Variants in TRAF3IP1 observed in about 807,000 individuals in gnomAD.
TRAF3IP1 encodes the protein TRAF3-interacting protein 1.
A neutral mutation model predicts 89.9 loss-of-function variants in TRAF3IP1; 53 were observed. The ratio of observed to expected loss-of-function variants is 0.59; its 90% CI spans 0.47 to 0.74. The LOEUF (loss-of-function observed/expected upper bound fraction) is 0.74. Among genes scored for constraint, TRAF3IP1 ranks in the 30% least tolerant of loss-of-function variants. The pLI, the probability that TRAF3IP1 is intolerant of heterozygous loss-of-function variation, is 0.00. For missense variants in TRAF3IP1, 806 were observed against 866.1 expected, an observed-to-expected ratio of 0.93 and a Z score of 0.87; for synonymous variants, 311 against 322.1, an observed-to-expected ratio of 0.97 and a Z score of 0.37.
Position 238,329,179 on chromosome 2 carries a change from G to A in TRAF3IP1, c.752G>A (p.Arg251Lys). ...RDSERKKETE[R>K]KSEGGKEKER... is the part of the protein sequence containing the mutation. ...TCCGAGCGCAAGAAGGAGACAGAGA[G>A]AAAGAGTGAGGGGGGGAAAGAGAAG... Residue 251 changes from arginine to lysine, a missense_variant, in exon 5 of 17, where the codon AGA becomes AAA. By Grantham distance (26) the Arg-to-Lys change is conservative. Around this residue, in one of 3 missense-constraint regions of TRAF3IP1, gnomAD observed 732 missense variants for 780.5 expected, o/e 0.94. Transcript: ENST00000373327. The A allele has an allele frequency of 6.4e-7, 1 of 1,564,750 alleles. No homozygotes were observed.
At chr2:238,341,519 A>G in intron 8 of TRAF3IP1, among the ~76,000 whole-genome samples, 1 of 148,838 alleles carries the variant, frequency 6.7e-6, no homozygotes. Context: ...TGTCCCAGAA[A>G]TGTTTTTCTA....
chr2:238,397,277 T>G, intron 15 of TRAF3IP1, 182 bp from the exon 16 acceptor site: 1 of 582,228 alleles, frequency 1.7e-6, no homozygotes, highest in Non-Finnish European at 3.1e-6. Context: ...GTGCAGCACT[T>G]CAGAGTTACT....
intron 15 of TRAF3IP1, among the ~76,000 whole-genome samples, chr2:238,391,788 A>G (rs1701004861): frequency 1.3e-5 from 2 of 152,212 alleles, no homozygotes; most frequent in Non-Finnish European, 2.9e-5. Context: ...TCCTACCTTA[A>G]GGTCCATGCC....
intron 15 of TRAF3IP1, among the ~76,000 whole-genome samples, chr2:238,368,283 G>T (rs971310171): frequency 1.4e-4 from 22 of 152,164 alleles, no homozygotes; most frequent in Non-Finnish European, 2.9e-4. Flanking sequence ...TTTCTCCAGG[G>T]TATGGATTAT....
chr2:238,357,366 A>T (rs1699463719), intron 15 of TRAF3IP1, among the ~76,000 whole-genome samples: 2 of 152,358 alleles, frequency 1.3e-5, no homozygotes, highest in East Asian at 1.9e-4. Flanking sequence ...TCAACAATTT[A>T]AAAAAGTTTT....
In TRAF3IP1 at chr2:238,384,382, A is replaced by ATG. The variant is rs1243454374; in HGVS notation, c.1690-13076_1690-13075insGT. On this transcript the variant is annotated intron_variant, in intron 15 of 16. Coordinates refer to ENST00000373327, the MANE Select transcript of TRAF3IP1 (RefSeq NM_015650.4). ...TATGTATGTATGTATGTATGTATGTATATATATATATATGGAGTCTTGCTC... is the reference window on the plus strand; with the variant it reads ...TATGTATGTATGTATGTATGTATGTATGTATATATATATATGGAGTCTTGCTC... 8.8e-3 allele frequency among the ~76,000 whole-genome samples: 1,301 copies of ATG among 148,428 alleles called. 13 individuals are homozygous for ATG. Among genetic ancestry groups the ATG allele is most frequent in the African/African-American group, 0.03 (1,190 of 39,750 alleles).
chr2:238,397,726 G>A (rs768924533), intron 16 of TRAF3IP1, 47 bp downstream of exon 16: 41 of 480,516 alleles, frequency 8.5e-5, no homozygotes, highest in African/African-American at 4.9e-4. Flanking sequence ...GAGCAGAGGT[G>A]GGGGGTAGTA....
At chr2:238,322,178 C>T (rs1005023199) in intron 1 of TRAF3IP1, among the ~76,000 whole-genome samples, 10 of 152,324 alleles carry the variant, frequency 6.6e-5, no homozygotes, top group South Asian at 6.2e-4. Context: ...GTCCTCTGAC[C>T]CAGAGGGAAC....
chr2:238,396,489 C>T (rs1226325792), intron 15 of TRAF3IP1, among the ~76,000 whole-genome samples: 1 of 150,904 alleles, frequency 6.6e-6, no homozygotes, highest in Non-Finnish European at 1.5e-5. Context: ...TGTAACAAAC[C>T]TGCACATTGT....
Position 238,345,305 on chromosome 2 carries a change from T to A in TRAF3IP1, c.1261+707T>A, listed in dbSNP as rs1698840668. Among the ~76,000 whole-genome samples, 1 of 152,194 alleles carries A rather than the reference T, an allele frequency of 6.6e-6. No homozygotes were observed. Among genetic ancestry groups the A allele is most frequent in the Non-Finnish European group, 1.5e-5 (1 of 68,028 alleles). On this transcript the variant is annotated intron_variant, in intron 9 of 16. Coordinates refer to ENST00000373327, the MANE Select transcript of TRAF3IP1 (RefSeq NM_015650.4). The surrounding 1 kb of genome is among the most constrained non-coding windows in gnomAD (Gnocchi z 4.7). Reference sequence around the variant, plus strand: ...TCAGGCTGGCCTCCTGCCTTCCTGGTGCAGATGAGGCTCGAAGATCAACCG... The same window carrying A: ...TCAGGCTGGCCTCCTGCCTTCCTGGAGCAGATGAGGCTCGAAGATCAACCG...
chr2:238,348,936 T>C, intron 11 of TRAF3IP1, 88 bp downstream of exon 11: 1 of 1,170,456 alleles, frequency 8.5e-7, no homozygotes, highest in Non-Finnish European at 1.3e-6. Context: ...TGCTATTTAT[T>C]TAGTGCTTGA....
At position 238,398,749 on chromosome 2, in the gene TRAF3IP1, C is replaced by G. The variant is rs925077639; in HGVS notation, c.1911-5C>G. 26 of 1,579,652 alleles carry G rather than the reference C, an allele frequency of 1.6e-5. No homozygotes were observed. Among genetic ancestry groups the G allele is most frequent in the Non-Finnish European group, 2.1e-5 (25 of 1,169,484 alleles). ...TGATGAGCCGCTGGTTTTGTTCTCCCTCAGGATCACAGACTGTGCCGTGGA... is the reference window on the plus strand; with the variant it reads ...TGATGAGCCGCTGGTTTTGTTCTCCGTCAGGATCACAGACTGTGCCGTGGA... On this transcript the variant is annotated splice_polypyrimidine_tract_variant and splice_region_variant and intron_variant, in intron 16 of 16. Transcript: ENST00000373327.
chr2:238,382,752 C>T (rs11690155), intron 15 of TRAF3IP1, among the ~76,000 whole-genome samples: 35,048 of 150,730 alleles, frequency 0.23, 4,423 homozygotes, highest in South Asian at 0.27. Flanking sequence ...GAGAGTCCCA[C>T]CCCTCCCTCC....
At chr2:238,344,845 A>G (rs1698819862) in intron 9 of TRAF3IP1, 8 of 623,680 alleles carry the variant, frequency 1.3e-5, no homozygotes, top group South Asian at 1.2e-4. Flanking sequence ...GGCATGTTTC[A>G]TCACTTGGGG....
At position 238,385,302 on chromosome 2, in the gene TRAF3IP1, C is replaced by T. The variant is rs540737918; in HGVS notation, c.1690-12157C>T. ...AAGTGCTGGGATTACAGGCGTGAACCGCTGCGCCTGGCCTGTAGCATCGTT... is the reference window on the plus strand; with the variant it reads ...AAGTGCTGGGATTACAGGCGTGAACTGCTGCGCCTGGCCTGTAGCATCGTT... On this transcript the variant is annotated intron_variant, in intron 15 of 16. Coordinates refer to ENST00000373327, the MANE Select transcript of TRAF3IP1 (RefSeq NM_015650.4). Among the ~76,000 whole-genome samples the T allele has an allele frequency of 5.3e-5, 8 of 152,272 alleles. 1 individual carries two copies. The highest frequency in any genetic ancestry group is 1.9e-4 in the East Asian group (1 of 5,176).
In TRAF3IP1 at chr2:238,344,477, T is replaced by G. The variant is rs771650496; in HGVS notation, c.1160-20T>G. The G allele has an allele frequency of 2.5e-6, 4 of 1,604,612 alleles. No homozygotes were observed. In the Admixed American group the frequency reaches 6.7e-5, roughly 27 times the overall value. On this transcript the variant is annotated intron_variant, in intron 8 of 16. Coordinates refer to ENST00000373327, the MANE Select transcript of TRAF3IP1 (RefSeq NM_015650.4). ...TTGGTGTACAGTCTTAATGACTAAT[T>G]TTAAACTGTTTTATGTCAGGAACAA...
chr2:238,348,029 A>G (rs890911833), intron 10 of TRAF3IP1, among the ~76,000 whole-genome samples: 2 of 152,182 alleles, frequency 1.3e-5, no homozygotes, highest in Non-Finnish European at 2.9e-5. Flanking sequence ...TCTAATATTC[A>G]AATTCTGACT....
intron 12 of TRAF3IP1, among the ~76,000 whole-genome samples, chr2:238,350,024 T>C (rs555097828): frequency 2.5e-4 from 38 of 152,092 alleles, no homozygotes; most frequent in African/African-American, 8.2e-4. Flanking sequence ...TGAGCTGAGA[T>C]TGCACTGCTG....
At chr2:238,364,986 G>T (rs956430713) in intron 15 of TRAF3IP1, among the ~76,000 whole-genome samples, 1 of 152,130 alleles carries the variant, frequency 6.6e-6, no homozygotes, top group Non-Finnish European at 1.5e-5. Context: ...CATTTATTTG[G>T]GAATGTAAGA....
Sources: allele counts gnomAD v4.1 joint callset (sites outside exome capture counted in the v4.1 genomes callset), GRCh38; gene constraint gnomAD v4.1.1; regional missense constraint gnomAD v4.1.1; non-coding constraint Gnocchi (gnomAD v3.1); transcripts MANE v1.5; gene names NCBI Gene and HGNC (gene_info 2026-07-23, HGNC 2026-07-21).